The following ZC3H11A variants were observed in gnomAD, a reference collection of about 807,000 sequenced individuals.
ZC3H11A encodes the protein zinc finger CCCH-type containing 11A.
ZC3H11A carries 22 observed loss-of-function variants against 90.8 expected under a neutral mutation model. The observed-to-expected ratio is 0.24, with a 90% CI of 0.17 to 0.35. The LOEUF is 0.35. ZC3H11A is among the 10% of genes least tolerant of loss of function. The pLI is 1.00. For missense variants in ZC3H11A, 701 were observed against 964.9 expected, an observed-to-expected ratio of 0.73 and a Z score of 3.62; for synonymous variants, 294 against 339.8, an observed-to-expected ratio of 0.87 and a Z score of 1.48.
chr1:203,825,404 G>T (rs1055895377), intron 4 of ZC3H11A, among the ~76,000 whole-genome samples: 1 of 147,796 alleles, frequency 6.8e-6, no homozygotes, highest in African/African-American at 2.5e-5. Flanking sequence ...ACATAATTAT[G>T]TAGGAGAAAT....
chr1:203,831,825 G>A (rs1682482547), intron 9 of ZC3H11A, 54 bp downstream of exon 9: 2 of 1,422,050 alleles, frequency 1.4e-6, no homozygotes, highest in East Asian at 4.7e-5. Flanking sequence ...ATATAATTGG[G>A]AATGCAAAAT....
chr1:203,829,144 AG>A (rs746328780), intron 5 of ZC3H11A: 11 of 344,134 alleles, frequency 3.2e-5, no homozygotes, highest in Non-Finnish European at 5.3e-5. Context: ...CTGAGCAAAA[AG>A]CCTAGAATTG....
intron 4 of ZC3H11A, among the ~76,000 whole-genome samples, chr1:203,821,655 C>T (rs1305626768): frequency 6.6e-6 from 1 of 152,124 alleles, no homozygotes; most frequent in Non-Finnish European, 1.5e-5. Flanking sequence ...AAGATTTGGG[C>T]TGCTCCTAGA....
rs59254922 is a variant in ZC3H11A, at chr1:203,815,216, C to CTTTTTTTTTTTTTTTTTTTT, written c.-145-1694_-145-1693insTTTTTTTTTTTTTTTTTTTT. On this transcript the variant is annotated intron_variant, in intron 2 of 17. Transcript: ENST00000367210. ...TTCATTATTTTCTTCCTTTTCTTTT[C>CTTTTTTTTTTTTTTTTTTTT]TTTTTTTTTTTTTTTTGAGACAGTG... 4.1e-5 allele frequency among the ~76,000 whole-genome samples: 4 copies of CTTTTTTTTTTTTTTTTTTTT among 97,154 alleles called. 1 individual carries two copies. Among genetic ancestry groups the CTTTTTTTTTTTTTTTTTTTT allele is most frequent in the Non-Finnish European group, 5.8e-5 (3 of 51,642 alleles). 63.7% of individuals were successfully genotyped at this position (97,154 alleles called of 152,430 possible).
Position 203,798,894 on chromosome 1 carries a change from C to T in ZC3H11A, c.-1587-2681C>T, listed in dbSNP as rs895846502. 1 of 1,536,054 alleles carries T rather than the reference C, an allele frequency of 6.5e-7. No individual in the cohort carries two copies. Among genetic ancestry groups the T allele is most frequent in the African/African-American group, 1.4e-5 (1 of 73,134 alleles). On this transcript the variant is annotated intron_variant, in intron 1 of 17. Coordinates refer to ENST00000367210, the MANE Select transcript of ZC3H11A (RefSeq NM_001376342.1). ...GACTTACTTTTTCACTAAGGCTGTA[C>T]CTCAGTTATATGATTGTGTCAGAGA...
intron 11 of ZC3H11A, among the ~76,000 whole-genome samples, chr1:203,838,954 CAAAAAAA>C (rs59033094): frequency 1.0e-5 from 1 of 97,944 alleles, no homozygotes; most frequent in African/African-American, 4.3e-5. Context: ...GACTTCATCT[CAAAAAAA>C]AAAAAAAAAA....
At chr1:203,822,539 C>T (rs1037845230) in intron 4 of ZC3H11A, among the ~76,000 whole-genome samples, 2 of 152,074 alleles carry the variant, frequency 1.3e-5, no homozygotes, top group African/African-American at 2.4e-5. Flanking sequence ...CGCACATACT[C>T]CAACTCTGTA....
At chr1:203,796,605 A>AAT (rs1199385852) in intron 1 of ZC3H11A, 2 of 396,472 alleles carry the variant, frequency 5.0e-6, no homozygotes, top group Non-Finnish European at 8.9e-6. Context: ...TTTTAGGGTA[A>AAT]ATGTATGTAG....
chr1:203,810,770 G>C (rs1485508287), intron 2 of ZC3H11A, among the ~76,000 whole-genome samples: 1 of 152,048 alleles, frequency 6.6e-6, no homozygotes, highest in Non-Finnish European at 1.5e-5. Flanking sequence ...TAGTAAGGGA[G>C]TGTTATCTAC....
At chr1:203,822,101 C>G (rs964440240) in intron 4 of ZC3H11A, among the ~76,000 whole-genome samples, 14 of 152,236 alleles carry the variant, frequency 9.2e-5, no homozygotes, top group African/African-American at 2.6e-4. Context: ...ATTATGAGTT[C>G]ATATAGATGC....
intron 11 of ZC3H11A, among the ~76,000 whole-genome samples, chr1:203,840,052 C>T (rs1307729464): frequency 1.3e-5 from 2 of 151,262 alleles, no homozygotes; most frequent in Admixed American, 6.6e-5. Flanking sequence ...GATCCACCCA[C>T]CTCAGCCTCC....
intron 1 of ZC3H11A, chr1:203,800,240 A>T: frequency 8.1e-7 from 1 of 1,241,904 alleles, no homozygotes; most frequent in Non-Finnish European, 1.1e-6. Context: ...TCCAGTATCT[A>T]AGTTGCCCCA....
At chr1:203,804,791 G>A (rs2102490647) in intron 2 of ZC3H11A, among the ~76,000 whole-genome samples, 1 of 151,006 alleles carries the variant, frequency 6.6e-6, no homozygotes, top group African/African-American at 2.4e-5. Flanking sequence ...TTCTGTCTCA[G>A]CCTCCCAAGT....
intron 1 of ZC3H11A, chr1:203,797,802 C>G (rs904831183): frequency 3.3e-6 from 5 of 1,535,912 alleles, no homozygotes; most frequent in African/African-American, 1.4e-5. Context: ...ATCTGGGAGG[C>G]CTGTTGCAGA....
chr1:203,805,937 C>A, intron 2 of ZC3H11A: 1 of 648,758 alleles, frequency 1.5e-6, no homozygotes, highest in Admixed American at 1.8e-5. Flanking sequence ...TCCTTTGCTC[C>A]CAGTTTCATA....
At position 203,840,278 on chromosome 1, in the gene ZC3H11A, T is replaced by C. The variant is rs201899516; in HGVS notation, c.974-28T>C. ...CTGTAAAAAGTTTCTGTTCAACTTT[T>C]GATTTTTGAAAATCTTTCTTTTCAC... On this transcript the variant is annotated intron_variant, in intron 11 of 17. Transcript: ENST00000367210. 6.8e-4 allele frequency: 1,100 copies of C among 1,609,894 alleles called. 8 individuals are homozygous for C. In the East Asian group the frequency reaches 0.018, roughly 26 times the overall value.
At chr1:203,847,862 T>A (rs1261957308) in intron 13 of ZC3H11A, among the ~76,000 whole-genome samples, 175 bp downstream of exon 13, 1 of 152,156 alleles carries the variant, frequency 6.6e-6, no homozygotes, top group Non-Finnish European at 1.5e-5. Context: ...TATTTTGTTT[T>A]ATTTTATTTT....
chr1:203,841,809 G>A (rs1204989845), intron 12 of ZC3H11A, among the ~76,000 whole-genome samples: 11 of 144,494 alleles, frequency 7.6e-5, no homozygotes, highest in Non-Finnish European at 1.4e-4. Flanking sequence ...CGGACGGGGC[G>A]GCTGCCGGGC....
rs1438379221 is a variant in ZC3H11A, at chr1:203,816,944, A to AT, written c.-124dup. ...ATTTTAGGATTACAGTTTAAAGACA[A>AT]TTTCTGTGATCAAGTTGTCATTTGG... is the stretch of plus-strand genomic sequence containing the variant. On this transcript the variant is annotated 5_prime_UTR_variant, in exon 3 of 18. Coordinates refer to ENST00000367210, the MANE Select transcript of ZC3H11A (RefSeq NM_001376342.1). 6.5e-5 allele frequency: 39 copies of AT among 599,518 alleles called. No homozygotes were observed. Among genetic ancestry groups the AT allele is most frequent in the Non-Finnish European group, 5.2e-5 (18 of 345,862 alleles). 37.1% of individuals were successfully genotyped at this position (599,518 alleles called of 1,614,324 possible).
Sources: gnomAD v4.1 joint callset for allele counts (sites outside exome capture counted in the v4.1 genomes callset) on GRCh38, gnomAD v4.1.1 for gene constraint, MANE v1.5 for transcripts, NCBI Gene and HGNC (gene_info 2026-07-23, HGNC 2026-07-21) for gene names.